CHD7: variants seen among roughly 807,000 people sequenced by gnomAD.
CHD7 encodes ATP-dependent chromatin remodeler CHD7.
Under a neutral mutation model 307.3 loss-of-function variants are expected in CHD7, and 24 were observed. The observed-to-expected ratio is 0.08, with a 90% CI of 0.06 to 0.11. The LOEUF is 0.11. CHD7 is among the 10% of genes least tolerant of loss of function. CHD7 has a pLI of 1.00. For synonymous variants in CHD7, 1,363 were observed against 1,349.9 expected (o/e 1.01, Z -0.21); for missense variants, 3,106 against 3,727.1 (o/e 0.83, Z 4.34).
intron 37 of CHD7, chr8:60,864,642 G>A (rs972322780): frequency 4.5e-6 from 1 of 222,892 alleles, no homozygotes; most frequent in Non-Finnish European, 9.1e-6. Context: ...AAAATATACA[G>A]TAAATTATTG....
At chr8:60,739,995 T>C (rs191953322) in intron 1 of CHD7, among the ~76,000 whole-genome samples, 133 of 152,332 alleles carry the variant, frequency 8.7e-4, no homozygotes, top group African/African-American at 3.0e-3. Context: ...ATGTTTAAGA[T>C]TTCAGTCATT....
chr8:60,726,528 T>C (rs1808166589), intron 1 of CHD7, among the ~76,000 whole-genome samples: 1 of 152,252 alleles, frequency 6.6e-6, no homozygotes, highest in African/African-American at 2.4e-5. Context: ...AAACAGGAAA[T>C]GTGTGATCGT....
chr8:60,706,390 T>C (rs533549803), intron 1 of CHD7, among the ~76,000 whole-genome samples: 8 of 152,196 alleles, frequency 5.3e-5, no homozygotes, highest in Non-Finnish European at 1.2e-4. Flanking sequence ...TATGATACCA[T>C]GAAATATTTT....
chr8:60,840,359 C>G (rs745489099), intron 19 of CHD7, among the ~76,000 whole-genome samples: 1 of 152,162 alleles, frequency 6.6e-6, no homozygotes, highest in African/African-American at 2.4e-5. Flanking sequence ...ACTTATCACC[C>G]CTGTCTCTCC....
At chr8:60,790,445 G>C (rs542914246) in intron 3 of CHD7, among the ~76,000 whole-genome samples, 2 of 152,124 alleles carry the variant, frequency 1.3e-5, no homozygotes, top group Non-Finnish European at 1.5e-5. Context: ...CTTTTCTGTT[G>C]GTTTTTTAAA....
At position 60,867,261 on chromosome 8, in the gene CHD7, A is replaced by G. The variant is rs1179958376; in HGVS notation, c.*1328A>G. 2.0e-5 allele frequency: 3 copies of G among 152,226 alleles called. No individual in the cohort carries two copies. Among genetic ancestry groups the G allele is most frequent in the African/African-American group, 4.8e-5 (2 of 41,468 alleles). 9.4% of individuals were successfully genotyped at this position (152,226 alleles called of 1,614,324 possible). A position where few individuals can be genotyped will look rare whatever the true frequency, so the allele number is the denominator to read the frequency against. On this transcript the variant is annotated 3_prime_UTR_variant, in exon 38 of 38. Transcript: ENST00000423902. The stretch of plus-strand genomic sequence containing the variant: ...GAAAAATGAGGCTTTAACAGGCACA[A>G]TATCTAGGTCATTTATCCTTGGTTA...
At chr8:60,713,106 G>A (rs1807367732) in intron 1 of CHD7, among the ~76,000 whole-genome samples, 1 of 149,842 alleles carries the variant, frequency 6.7e-6, no homozygotes, top group Admixed American at 6.6e-5. Flanking sequence ...AGATTTTTGT[G>A]GACATTTTGT....
At chr8:60,697,698 A>AGT in intron 1 of CHD7, among the ~76,000 whole-genome samples, 1 of 152,358 alleles carries the variant, frequency 6.6e-6, no homozygotes, top group East Asian at 1.9e-4. Context: ...CAAAAACCTC[A>AGT]GTTTGCAGTC....
chr8:60,837,208 A>G (rs1804779957), intron 17 of CHD7, among the ~76,000 whole-genome samples, 196 bp downstream of exon 17: 1 of 152,248 alleles, frequency 6.6e-6, no homozygotes, highest in African/African-American at 2.4e-5. Context: ...ACCTTCTTCT[A>G]AACTGCACCT....
intron 19 of CHD7, among the ~76,000 whole-genome samples, chr8:60,839,045 C>T (rs1385193674): frequency 6.6e-6 from 1 of 152,222 alleles, no homozygotes; most frequent in Non-Finnish European, 1.5e-5. Flanking sequence ...TCCATATACC[C>T]CAGAAAGGTC....
rs143972271 is a variant in CHD7, at chr8:60,777,536, G to T, written c.1666-3464G>T. 4.8e-3 allele frequency among the ~76,000 whole-genome samples: 727 copies of T among 152,282 alleles called. 2 individuals carry two copies. Among genetic ancestry groups the T allele is most frequent in the African/African-American group, 0.017 (686 of 41,550 alleles). On this transcript the variant is annotated intron_variant, in intron 2 of 37. Transcript: ENST00000423902. ...TCATTTTCTTTGATGATTCTTCTATGCATTTTGGGTTGGATTTGCTTAAAA... is the reference window on the plus strand; with the variant it reads ...TCATTTTCTTTGATGATTCTTCTATTCATTTTGGGTTGGATTTGCTTAAAA...
rs1586443853 is a variant in CHD7 at position 60,852,193 on chromosome 8, A to G, written c.5840A>G (p.Glu1947Gly). The G allele has an allele frequency of 6.2e-7, 1 of 1,613,832 alleles. No homozygotes were observed. The highest frequency in any genetic ancestry group is 1.7e-5 in the Admixed American group (1 of 59,960). Residue 1947 changes from glutamate to glycine, a missense_variant, in exon 29 of 38, where the codon GAA (glutamate) becomes GGA (glycine). Physicochemically the swap from Glu to Gly is moderately conservative, Grantham distance 98. Around this residue, in one of 10 missense-constraint regions of CHD7, gnomAD observed 1,030 missense variants for 1,165.4 expected, o/e 0.88. Coordinates refer to ENST00000423902, the MANE Select transcript of CHD7 (RefSeq NM_017780.4). ...TDRRRRRPREEVRALEAEREA... is the reference protein window; with the variant it reads ...TDRRRRRPREGVRALEAEREA... ...CGGCGCAGACGGCGGCCTCGAGAGG[A>G]AGTGAGAGCTCTGGAAGCGGAAAGG...
Position 60,743,168 on chromosome 8 carries a change from T to A in CHD7, c.1665+71T>A. ...ACATGGCTAACTTGTCTGATCGAAT[T>A]TTTCTTTAAACTCTATGAAAAGCTT... On this transcript the variant is annotated intron_variant, in intron 2 of 37. Transcript: ENST00000423902. 2.2e-6 allele frequency: 3 copies of A among 1,351,702 alleles called. No individual in the cohort carries two copies. The South Asian group carries it at 3.7e-5, about 17-fold the overall frequency. 83.7% of individuals were successfully genotyped at this position (1,351,702 alleles called of 1,614,324 possible). A position where few individuals can be genotyped will look rare whatever the true frequency, so the allele number is the denominator to read the frequency against.
In CHD7 at chr8:60,865,098, G is replaced by C. The variant is rs1303742795; in HGVS notation, c.8159G>C (p.Arg2720Thr). The change falls in exon 38 of 38, where the codon AGG becomes ACG. Residue 2720 changes from arginine to threonine, a missense_variant. Coordinates refer to ENST00000423902, the MANE Select transcript of CHD7 (RefSeq NM_017780.4). The surrounding 1 kb of genome is among the most constrained non-coding windows in gnomAD (Gnocchi z 4.3). ...RGEGASRRGR[R>T]PKSEIARAAA... ...GAGGGAGCGAGCAGAAGAGGAAGAA[G>C]GCCCAAAAGTGAGATCGCCAGAGCA... The C allele has an allele frequency of 6.2e-7, 1 of 1,611,042 alleles. No homozygotes were observed.
intron 25 of CHD7, 112 bp from the exon 26 acceptor site, chr8:60,850,381 G>A: frequency 1.5e-6 from 2 of 1,328,444 alleles, no homozygotes; most frequent in Non-Finnish European, 2.0e-6. Flanking sequence ...CAACAGAGAT[G>A]CTAACCTTGA....
chr8:60,840,857 A>G (rs1460205847), intron 19 of CHD7, among the ~76,000 whole-genome samples: 4 of 152,152 alleles, frequency 2.6e-5, no homozygotes, highest in African/African-American at 7.2e-5. Context: ...ACCTCAAGCC[A>G]TCTACCCACC....
rs1435780917 is a variant in CHD7, at chr8:60,865,873, T to C, written c.8934T>C (p.Gly2978=). The C allele has an allele frequency of 2.5e-6, 4 of 1,611,848 alleles. No individual in the cohort carries two copies. Among genetic ancestry groups the C allele is most frequent in the Non-Finnish European group, 3.4e-6 (4 of 1,178,988 alleles). The change falls in exon 38 of 38, where the codon GGT becomes GGC. Residue 2978 remains glycine, a synonymous_variant. Transcript: ENST00000423902. The surrounding 1 kb of genome is among the most constrained non-coding windows in gnomAD (Gnocchi z 4.3). ...TCTTAGAAGACGAAATAGCACAGGG[T>C]GAAGAGCTAGACTCACTTGATGGGG... The part of the protein sequence containing the change: ...SSLLEDEIAQ[G]EELDSLDGGD...
intron 1 of CHD7, among the ~76,000 whole-genome samples, chr8:60,701,688 G>T (rs543313565): frequency 6.6e-6 from 1 of 152,194 alleles, no homozygotes; most frequent in Non-Finnish European, 1.5e-5. Flanking sequence ...ATTTGGAAAG[G>T]TAGGTTTGGG....
At position 60,741,979 on chromosome 8, in the gene CHD7, C is replaced by T. The variant is rs2150578600; in HGVS notation, c.547C>T (p.Pro183Ser). Reference protein sequence around the residue: ...APSGPPAQGHPQHMQQMGSYM... With the variant: ...APSGPPAQGHSQHMQQMGSYM... ...GTCGGGGCCCCCTGCACAGGGCCAC[C>T]CTCAGCACATGCAGCAGATGGGCAG... Residue 183 changes from proline to serine, a missense_variant, in exon 2 of 38, where the codon CCT becomes TCT. By Grantham distance (74) the Pro-to-Ser change is moderately conservative. Transcript: ENST00000423902. 6.2e-7 allele frequency: 1 copy of T among 1,613,764 alleles called. No individual in the cohort carries two copies. The highest frequency in any genetic ancestry group is 8.5e-7 in the Non-Finnish European group (1 of 1,179,840).
Sources: allele counts gnomAD v4.1 joint callset (sites outside exome capture counted in the v4.1 genomes callset), GRCh38; gene constraint gnomAD v4.1.1; regional missense constraint gnomAD v4.1.1; non-coding constraint Gnocchi (gnomAD v3.1); transcripts MANE v1.5; gene names NCBI Gene and HGNC (gene_info 2026-07-23, HGNC 2026-07-21).